The following PRELID2 variants were observed in gnomAD, a reference collection of about 807,000 sequenced individuals.
The protein encoded by PRELID2 is PRELI domain-containing protein 2.
In PRELID2, 25 loss-of-function variants were observed where a neutral mutation model predicts 28.4. That is an observed-to-expected ratio of 0.88 (90% CI 0.64 to 1.23). The LOEUF is 1.23. Ranked by LOEUF, PRELID2 falls within the 50% of genes most tolerant of loss-of-function variation. The probability of loss-of-function intolerance (pLI) is 0.00; values close to 1 mark genes in which losing one functional copy is unlikely to be tolerated. For synonymous variants in PRELID2, 76 were observed against 71.6 expected, an observed-to-expected ratio of 1.06 and a Z score of -0.31; for missense variants, 201 against 214.4, an observed-to-expected ratio of 0.94 and a Z score of 0.39.
chr5:145,337,686 AATATATAT>A, the PRELID2 span, among the ~76,000 whole-genome samples: 1,715 of 79,794 alleles, frequency 0.021, 24 homozygotes, highest in African/African-American at 0.049. Context: ...GCATAGGGCA[AATATATAT>A]ATATATATAT....
At chr5:145,498,623 G>C (rs140984311) in intron 1 of PRELID2, among the ~76,000 whole-genome samples, 1 of 152,016 alleles carries the variant, frequency 6.6e-6, no homozygotes, top group Admixed American at 6.6e-5. Flanking sequence ...TCCGCCTCCC[G>C]GTTCAAGCGA....
the PRELID2 span, among the ~76,000 whole-genome samples, chr5:145,324,375 G>A: frequency 2.6e-5 from 4 of 151,920 alleles, no homozygotes; most frequent in Admixed American, 6.6e-5. Flanking sequence ...ACTAATGAAG[G>A]GACTTTCAAC....
intron 1 of PRELID2, among the ~76,000 whole-genome samples, chr5:145,611,808 C>T (rs6869829): frequency 2.6e-5 from 4 of 152,108 alleles, no homozygotes; most frequent in South Asian, 2.1e-4. Flanking sequence ...AATCCTAACA[C>T]GTGTATGAAA....
intron 1 of PRELID2, among the ~76,000 whole-genome samples, chr5:145,714,414 GAA>G (rs1755787616): frequency 6.6e-6 from 1 of 152,010 alleles, no homozygotes; most frequent in Non-Finnish European, 1.5e-5. Context: ...TAACTTCCCT[GAA>G]GTATCTTCCC....
chr5:145,723,351 T>C (rs1365071030), intron 1 of PRELID2, among the ~76,000 whole-genome samples: 1 of 152,168 alleles, frequency 6.6e-6, no homozygotes, highest in Admixed American at 6.5e-5. Context: ...AATATCCTAT[T>C]GGGTGCACAG....
chr5:145,290,642 C>T, the PRELID2 span, among the ~76,000 whole-genome samples: 2 of 151,688 alleles, frequency 1.3e-5, no homozygotes, highest in Non-Finnish European at 2.9e-5. Flanking sequence ...GGAGAAATAC[C>T]TAATGTAAAT....
At chr5:145,764,280 G>T (rs561299072) in intron 6 of PRELID2, among the ~76,000 whole-genome samples, 5 of 152,200 alleles carry the variant, frequency 3.3e-5, no homozygotes, top group Admixed American at 1.3e-4. Context: ...GAGTAGTTCT[G>T]CAATCCCCCA....
chr5:145,767,403 T>A (rs1054617740), intron 5 of PRELID2, among the ~76,000 whole-genome samples: 1 of 152,072 alleles, frequency 6.6e-6, no homozygotes, highest in African/African-American at 2.4e-5. Context: ...CACCCTTCAA[T>A]TCGTTCACGC....
At chr5:145,366,753 T>C in the PRELID2 span, among the ~76,000 whole-genome samples, 1 of 151,894 alleles carries the variant, frequency 6.6e-6, no homozygotes, top group Non-Finnish European at 1.5e-5. Context: ...ACCAATCTTG[T>C]CTTCTGTTTC....
intron 1 of PRELID2, among the ~76,000 whole-genome samples, chr5:145,691,696 C>T (rs777912897): frequency 1.8e-4 from 27 of 151,906 alleles, no homozygotes; most frequent in African/African-American, 4.1e-4. Context: ...CCAGCCTGGG[C>T]GACAGAGTGA....
intron 1 of PRELID2, among the ~76,000 whole-genome samples, chr5:145,527,592 C>T (rs1752620223): frequency 6.6e-6 from 1 of 152,158 alleles, no homozygotes; most frequent in East Asian, 1.9e-4. Context: ...TGTCATTATA[C>T]AAATCCAGAG....
At chr5:145,675,659 G>A (rs984766628) in intron 1 of PRELID2, among the ~76,000 whole-genome samples, 37 of 152,216 alleles carry the variant, frequency 2.4e-4, no homozygotes, top group Non-Finnish European at 4.6e-4. Context: ...GCAAACCACA[G>A]TGCACAGGCC....
chr5:145,510,114 T>C (rs1231799300), intron 1 of PRELID2, among the ~76,000 whole-genome samples: 4 of 152,168 alleles, frequency 2.6e-5, no homozygotes, highest in Non-Finnish European at 5.9e-5. Flanking sequence ...CTGAATGAAA[T>C]AAATGCTCTA....
In PRELID2 at chr5:145,757,839, T is replaced by C. The variant is rs1047232556; in HGVS notation, c.*2697A>G. ...ATGAAAAAAAAAAAAAAAAAGACCA[T>C]AAAATTTCTAAGCCATATATGTGAA... On this transcript the variant is annotated 3_prime_UTR_variant, in exon 7 of 7. Coordinates refer to ENST00000683046, the MANE Select transcript of PRELID2 (RefSeq NM_205846.3). Among the ~76,000 whole-genome samples, 1 of 138,690 alleles carries C rather than the reference T, an allele frequency of 7.2e-6. No individual in the cohort carries two copies. Among genetic ancestry groups the C allele is most frequent in the Non-Finnish European group, 1.6e-5 (1 of 63,116 alleles). The allele number at this position is 138,690 out of a possible 152,430, so 91.0% of individuals were successfully genotyped here.
intron 1 of PRELID2, among the ~76,000 whole-genome samples, chr5:145,600,434 A>AAAAAAAATATATATATATAT (rs1315631607): frequency 5.0e-5 from 6 of 120,094 alleles, no homozygotes; most frequent in African/African-American, 2.4e-4. Context: ...AAAAAAAAAA[A>AAAAAAAATATATATATATAT]ATATATATAT....
the PRELID2 span, among the ~76,000 whole-genome samples, chr5:145,284,952 G>A: frequency 1.3e-5 from 2 of 152,070 alleles, no homozygotes; most frequent in Non-Finnish European, 2.9e-5. Context: ...AATTTAAATT[G>A]AAACTTACTA....
the PRELID2 span, among the ~76,000 whole-genome samples, chr5:145,375,127 T>G: frequency 6.6e-6 from 1 of 152,122 alleles, no homozygotes; most frequent in Admixed American, 6.6e-5. Flanking sequence ...TTGTCTAGTT[T>G]CAATGTTTGA....
chr5:145,685,695 G>T (rs1755025148), intron 1 of PRELID2, among the ~76,000 whole-genome samples: 1 of 152,140 alleles, frequency 6.6e-6, no homozygotes, highest in Non-Finnish European at 1.5e-5. Flanking sequence ...GAAAACAATT[G>T]CCTGTAGTAA....
chr5:145,735,206 T>C (rs936399475), intron 1 of PRELID2, among the ~76,000 whole-genome samples: 9 of 149,650 alleles, frequency 6.0e-5, no homozygotes, highest in Admixed American at 4.7e-4. Flanking sequence ...GATTGCACCA[T>C]TGCACTCCAG....
Sources: allele counts gnomAD v4.1 joint callset (sites outside exome capture counted in the v4.1 genomes callset), GRCh38; gene constraint gnomAD v4.1.1; transcripts MANE v1.5; gene names NCBI Gene and HGNC (gene_info 2026-07-23, HGNC 2026-07-21).